Variants in IGSF10 observed in about 807,000 individuals in gnomAD.
IGSF10 encodes the protein calvaria mechanical force protein 608.
Under a neutral mutation model 128.2 loss-of-function variants are expected in IGSF10, and 126 were observed. That is an observed-to-expected ratio of 0.98 (90% CI 0.85 to 1.14). The LOEUF is 1.14. Ranked by LOEUF, IGSF10 falls within the 50% of genes most tolerant of loss-of-function variation. The pLI, the probability that IGSF10 is intolerant of heterozygous loss-of-function variation, is 0.00. For missense variants in IGSF10, 3,295 were observed against 3,149.8 expected, an observed-to-expected ratio of 1.05 and a Z score of -1.10; for synonymous variants, 1,185 against 1,146.2, an observed-to-expected ratio of 1.03 and a Z score of -0.68.
chr3:151,542,496 A>G, the IGSF10 span, among the ~76,000 whole-genome samples: 1 of 152,218 alleles, frequency 6.6e-6, no homozygotes, highest in African/African-American at 2.4e-5. Context: ...AACATCAGCT[A>G]CATCCTTGCA....
In IGSF10 at chr3:151,448,008, A is replaced by C. The variant is rs1222126097; in HGVS notation, c.1973T>G (p.Phe658Cys). Residue 658 changes from phenylalanine (F) to cysteine (C), a missense_variant, in exon 6 of 8, where the codon TTC (phenylalanine) becomes TGC (cysteine). Physicochemically the swap from Phe to Cys is radical, Grantham distance 205. Transcript: ENST00000282466. The part of the protein sequence containing the change: ...ANPSGVDFLI[F>C]QVSVKMKGQR... ...TCCTTTCATCTTGACTGAAACTTGG[A>C]AAATCAAAAAATCAACCCCTGATGG... is the stretch of plus-strand genomic sequence containing the variant. 1 of 1,614,132 alleles carries C rather than the reference A, an allele frequency of 6.2e-7. No homozygotes were observed. The highest frequency in any genetic ancestry group is 1.1e-5 in the South Asian group (1 of 91,082).
At chr3:151,454,376 T>G (rs1398678609) in intron 4 of IGSF10, among the ~76,000 whole-genome samples, 1 of 152,200 alleles carries the variant, frequency 6.6e-6, no homozygotes, top group African/African-American at 2.4e-5. Flanking sequence ...TTAAAAAGAT[T>G]TCTTAATTTT....
At chr3:151,618,458 C>T in the IGSF10 span, among the ~76,000 whole-genome samples, 3 of 152,110 alleles carry the variant, frequency 2.0e-5, no homozygotes, top group Non-Finnish European at 2.9e-5. Flanking sequence ...TTGCCGGGCG[C>T]GGTGGCTCAC....
intron 5 of IGSF10, among the ~76,000 whole-genome samples, chr3:151,453,066 G>C (rs1721586916): frequency 1.3e-5 from 2 of 152,176 alleles, no homozygotes; most frequent in Non-Finnish European, 1.5e-5. Flanking sequence ...GGATAGGCCA[G>C]CACCACACTA....
the IGSF10 span, among the ~76,000 whole-genome samples, chr3:151,471,888 C>A: frequency 6.6e-6 from 1 of 152,138 alleles, no homozygotes; most frequent in Non-Finnish European, 1.5e-5. Flanking sequence ...AGCTTCCTTA[C>A]GACGACTTAT....
In IGSF10 at chr3:151,442,978, A is replaced by G. The variant is rs1189540972; in HGVS notation, c.5963+6T>C. ...AGATAATTCCAACCCAAAGGTATAG[A>G]CTTACCTATGCTGCTGGTCGACCAC... On this transcript the variant is annotated splice_donor_region_variant and intron_variant, in intron 7 of 7. Transcript: ENST00000282466. 3.1e-6 allele frequency: 5 copies of G among 1,611,074 alleles called. No homozygotes were observed. The South Asian group carries it at 4.4e-5, about 14-fold the overall frequency.
chr3:151,584,959 A>T, the IGSF10 span, among the ~76,000 whole-genome samples: 2 of 152,222 alleles, frequency 1.3e-5, no homozygotes, highest in African/African-American at 4.8e-5. Context: ...AACTTTATTT[A>T]AAATTACATT....
the IGSF10 span, among the ~76,000 whole-genome samples, chr3:151,608,743 T>C: frequency 2.6e-5 from 4 of 152,162 alleles, no homozygotes; most frequent in African/African-American, 9.7e-5. Flanking sequence ...ATTTCCCTTC[T>C]CTCATATAAT....
At chr3:151,521,369 A>G in the IGSF10 span, among the ~76,000 whole-genome samples, 1 of 151,954 alleles carries the variant, frequency 6.6e-6, no homozygotes, top group Admixed American at 6.6e-5. Flanking sequence ...TGGATTTGAT[A>G]TACCTTTACA....
chr3:151,490,229 C>CG, the IGSF10 span, among the ~76,000 whole-genome samples: 1 of 152,106 alleles, frequency 6.6e-6, no homozygotes, highest in African/African-American at 2.4e-5. Flanking sequence ...CAAAAGATAT[C>CG]GGGGTGGCTA....
the IGSF10 span, among the ~76,000 whole-genome samples, chr3:151,496,643 G>A: frequency 2.0e-5 from 3 of 148,654 alleles, no homozygotes; most frequent in African/African-American, 5.0e-5. Context: ...AAACATACAT[G>A]TGCATGTGTC....
At chr3:151,559,336 G>A in the IGSF10 span, among the ~76,000 whole-genome samples, 5 of 152,124 alleles carry the variant, frequency 3.3e-5, no homozygotes, top group Non-Finnish European at 7.4e-5. Flanking sequence ...CATGCACAGT[G>A]AGAATTCACC....
chr3:151,579,156 G>C, the IGSF10 span, among the ~76,000 whole-genome samples: 2 of 152,320 alleles, frequency 1.3e-5, no homozygotes, highest in East Asian at 1.9e-4. Context: ...GAGGCCAGTG[G>C]TGTGCTAGGG....
chr3:151,437,247 T>C lies in IGSF10; in HGVS notation c.7314A>G (p.Ala2438=). Residue 2438 remains alanine (A), a synonymous_variant, in exon 8 of 8, where the codon GCA becomes GCG. Transcript: ENST00000282466. Reference sequence around the variant, plus strand: ...CACTGATGCCTTTTACTGTCCCTGGTGCATAGGTAAGAATAACTGGCTTCT... The same window carrying C: ...CACTGATGCCTTTTACTGTCCCTGGCGCATAGGTAAGAATAACTGGCTTCT... ...IGQKPVILTY[A]PGTVKGISGE... is the part of the protein sequence containing the mutation. 1.2e-6 allele frequency: 2 copies of C among 1,614,230 alleles called. No individual in the cohort carries two copies. The highest frequency in any genetic ancestry group is 1.7e-5 in the Admixed American group (1 of 60,028).
intron 5 of IGSF10, among the ~76,000 whole-genome samples, chr3:151,449,845 T>C (rs1051466254): frequency 2.0e-5 from 3 of 152,198 alleles, no homozygotes; most frequent in African/African-American, 7.2e-5. Context: ...AGCAGATGGA[T>C]GCAGGAGACA....
At chr3:151,521,630 A>T in the IGSF10 span, among the ~76,000 whole-genome samples, 1 of 152,016 alleles carries the variant, frequency 6.6e-6, no homozygotes, top group South Asian at 2.1e-4. Flanking sequence ...AATGAAATTC[A>T]AAAGCAGAAA....
chr3:151,546,450 C>T, the IGSF10 span, among the ~76,000 whole-genome samples: 4 of 151,982 alleles, frequency 2.6e-5, no homozygotes, highest in Non-Finnish European at 4.4e-5. Context: ...AGGGCTCAAG[C>T]GATCCTCCCA....
the IGSF10 span, among the ~76,000 whole-genome samples, chr3:151,496,177 G>A: frequency 6.6e-6 from 1 of 150,788 alleles, no homozygotes; most frequent in Non-Finnish European, 1.5e-5. Flanking sequence ...AAGGTCACAC[G>A]GCTTTTGTCA....
upstream of IGSF10, chr3:151,461,364 T>TC (rs1157308637): frequency 2.0e-6 from 2 of 985,286 alleles, no homozygotes; most frequent in Non-Finnish European, 2.4e-6. Context: ...CCGCAGGCTG[T>TC]CCTTGGTCCT....
Sources: allele counts gnomAD v4.1 joint callset (sites outside exome capture counted in the v4.1 genomes callset), GRCh38; gene constraint gnomAD v4.1.1; transcripts MANE v1.5; gene names NCBI Gene and HGNC (gene_info 2026-07-23, HGNC 2026-07-21).